The following ACSL5 variants were observed in gnomAD, a reference collection of about 807,000 sequenced individuals.
The protein encoded by ACSL5 is acyl-CoA synthetase long chain family member 5, also known as long-chain-fatty-acid--CoA ligase 5.
ACSL5 carries 50 observed loss-of-function variants against 84.9 expected under a neutral mutation model. The ratio of observed to expected loss-of-function variants is 0.59; its 90% CI spans 0.47 to 0.75. The LOEUF is 0.75. Ranked by LOEUF, ACSL5 falls within the 30% of genes least tolerant of loss-of-function variation. The probability of loss-of-function intolerance (pLI) is 0.00; values close to 1 mark genes in which losing one functional copy is unlikely to be tolerated. For missense variants in ACSL5, 775 were observed against 830.4 expected (o/e 0.93, Z 0.82); for synonymous variants, 280 against 300.7 (o/e 0.93, Z 0.71).
intron 16 of ACSL5, 114 bp from the exon 17 acceptor site, chr10:112,422,211 C>A: frequency 9.1e-7 from 1 of 1,094,186 alleles, no homozygotes; most frequent in Non-Finnish European, 1.4e-6. Flanking sequence ...TGGTGCTCTT[C>A]ACAGTGTAGT....
At chr10:112,400,784 C>A (rs1033495769) in intron 3 of ACSL5, among the ~76,000 whole-genome samples, 2 of 152,006 alleles carry the variant, frequency 1.3e-5, no homozygotes, top group Non-Finnish European at 2.9e-5. Flanking sequence ...AAACTGACTT[C>A]AAGAGATAAC....
At position 112,404,504 on chromosome 10, in the gene ACSL5, T is replaced by C. The variant is rs1843984419; in HGVS notation, c.266-7T>C. The stretch of plus-strand genomic sequence containing the variant: ...GAGTTGATTTTCTTTTAATATTATG[T>C]TTTTAGACAATGGGCCCTGCTTGGG... On this transcript the variant is annotated splice_region_variant and splice_polypyrimidine_tract_variant and intron_variant, in intron 3 of 20. Transcript: ENST00000354655. The C allele has an allele frequency of 6.2e-7, 1 of 1,610,688 alleles. No homozygotes were observed. The highest frequency in any genetic ancestry group is 1.7e-5 in the Admixed American group (1 of 59,886).
At chr10:112,426,468 T>C in intron 19 of ACSL5, 109 bp downstream of exon 19, 2 of 881,048 alleles carry the variant, frequency 2.3e-6, no homozygotes, top group Non-Finnish European at 3.6e-6. Context: ...CCAAACAGAC[T>C]GAATAGTTTT....
intron 3 of ACSL5, among the ~76,000 whole-genome samples, chr10:112,402,552 C>T (rs1446339683): frequency 2.6e-5 from 4 of 152,176 alleles, no homozygotes; most frequent in East Asian, 1.9e-4. Flanking sequence ...TAGTCTGAGA[C>T]GTTACTTCTA....
chr10:112,405,958 G>C (rs542096416), intron 5 of ACSL5, among the ~76,000 whole-genome samples: 1 of 152,214 alleles, frequency 6.6e-6, no homozygotes, highest in South Asian at 2.1e-4. Flanking sequence ...GAGGAGGAGG[G>C]AGAAGAGAGG....
chr10:112,409,963 G>A (rs1376294847), intron 7 of ACSL5, among the ~76,000 whole-genome samples: 5 of 152,142 alleles, frequency 3.3e-5, no homozygotes, highest in Non-Finnish European at 7.3e-5. Context: ...GGCTCCTGGA[G>A]CCAGGCTGCT....
At chr10:112,392,740 CAAA>C (rs566503761) in intron 1 of ACSL5, among the ~76,000 whole-genome samples, 4 of 117,058 alleles carry the variant, frequency 3.4e-5, no homozygotes, top group Admixed American at 8.4e-5. Flanking sequence ...GATTCTGTCT[CAAA>C]AAAAAAAAAA....
intron 1 of ACSL5, chr10:112,394,668 C>G (rs1013229991): frequency 2.6e-5 from 23 of 869,626 alleles, no homozygotes; most frequent in Non-Finnish European, 3.2e-5. Flanking sequence ...TTCCTTTGAT[C>G]CTCCCTGCTC....
chr10:112,416,973 T>C lies in ACSL5; in HGVS notation c.1169T>C (p.Ile390Thr). Residue 390 changes from isoleucine (I) to threonine (T), a missense_variant, in exon 13 of 21, where the codon ATC (isoleucine) becomes ACC (threonine). Coordinates refer to ENST00000354655, the MANE Select transcript of ACSL5 (RefSeq NM_203379.2). ...AAATTCAAAGAGCTTCAAAAGGGTA[T>C]CATCAGGCATGATAGTTTCTGGGAC... is the stretch of plus-strand genomic sequence containing the variant. ...SSKFKELQKG[I>T]IRHDSFWDKL... 1 of 1,614,052 alleles carries C rather than the reference T, an allele frequency of 6.2e-7. No homozygotes were observed. The highest frequency in any genetic ancestry group is 8.5e-7 in the Non-Finnish European group (1 of 1,179,990).
rs114378024 is a variant in ACSL5, at chr10:112,405,842, G to A, written c.432+1036G>A. On this transcript the variant is annotated intron_variant, in intron 5 of 20. Coordinates refer to ENST00000354655, the MANE Select transcript of ACSL5 (RefSeq NM_203379.2). ...TATAGTAAGCTAGAGAAACAAAAATGTCATTAAGAAAATGATAAGGAAGAG... is the reference window on the plus strand; with the variant it reads ...TATAGTAAGCTAGAGAAACAAAAATATCATTAAGAAAATGATAAGGAAGAG... 4.8e-3 allele frequency among the ~76,000 whole-genome samples: 737 copies of A among 152,240 alleles called. 9 individuals carry two copies. The highest frequency in any genetic ancestry group is 0.017 in the African/African-American group (717 of 41,544).
At chr10:112,394,486 G>A (rs1442049835) in intron 1 of ACSL5, among the ~76,000 whole-genome samples, 1 of 152,218 alleles carries the variant, frequency 6.6e-6, no homozygotes, top group Non-Finnish European at 1.5e-5. Context: ...TTATACGGGG[G>A]AATCCAACTG....
intron 3 of ACSL5, among the ~76,000 whole-genome samples, chr10:112,402,426 A>T (rs1843931280): frequency 1.3e-5 from 2 of 152,348 alleles, no homozygotes; most frequent in Admixed American, 6.5e-5. Context: ...AATAAATGGT[A>T]GCTATCATTA....
In ACSL5 at chr10:112,404,814, T is replaced by C. The variant is rs1480279215; in HGVS notation, c.432+8T>C. On this transcript the variant is annotated splice_region_variant and intron_variant, in intron 5 of 20. Transcript: ENST00000354655. ...GCTCAGAATAGGCCAGAGGTAACTA[T>C]GTTGAAGTTAACTAAAGGAAATGAG... 5.0e-6 allele frequency: 8 copies of C among 1,604,704 alleles called. No individual in the cohort carries two copies. In the Admixed American group the frequency reaches 6.7e-5, roughly 14 times the overall value.
At position 112,422,452 on chromosome 10, in the gene ACSL5, C is replaced by T. The variant is rs1410123755; in HGVS notation, c.1593+11C>T. On this transcript the variant is annotated intron_variant, in intron 17 of 20. Transcript: ENST00000354655. ...GGTCGCTGGCTCCCGGTAGGTATATCATCAGAACTCCTGGAAGTCTATGCT... is the reference window on the plus strand; with the variant it reads ...GGTCGCTGGCTCCCGGTAGGTATATTATCAGAACTCCTGGAAGTCTATGCT... The T allele has an allele frequency of 6.2e-7, 1 of 1,608,716 alleles. No individual in the cohort carries two copies. The highest frequency in any genetic ancestry group is 8.5e-7 in the Non-Finnish European group (1 of 1,175,700).
chr10:112,421,909 C>G, intron 15 of ACSL5, 38 bp from the exon 16 acceptor site: 8 of 1,582,860 alleles, frequency 5.1e-6, no homozygotes, highest in Non-Finnish European at 6.9e-6. Context: ...TATCACCATG[C>G]AAGAGTTTCT....
intron 1 of ACSL5, among the ~76,000 whole-genome samples, chr10:112,388,371 T>A (rs1310935018): frequency 1.3e-5 from 2 of 152,198 alleles, no homozygotes. Flanking sequence ...AATACACCCC[T>A]GTCACCAGCC....
intron 13 of ACSL5, 55 bp downstream of exon 13, chr10:112,417,077 C>T (rs1458709103): frequency 4.5e-6 from 7 of 1,572,430 alleles, no homozygotes; most frequent in African/African-American, 1.4e-5. Flanking sequence ...TGCCTTCTGA[C>T]TCCTTAGACC....
In ACSL5 at chr10:112,410,509, T is replaced by G; in HGVS notation, c.744+14T>G. 6.2e-7 allele frequency: 1 copy of G among 1,614,196 alleles called. No homozygotes were observed. The highest frequency in any genetic ancestry group is 8.5e-7 in the Non-Finnish European group (1 of 1,180,006). ...AGAAAACCTGTGGTAAGTTTTCTTC[T>G]GCCTGAATTTGAGCCTTGCCATAGT... On this transcript the variant is annotated intron_variant, in intron 8 of 20. Transcript: ENST00000354655.
intron 2 of ACSL5, among the ~76,000 whole-genome samples, chr10:112,398,638 C>T (rs1564735172): frequency 3.3e-5 from 5 of 151,960 alleles, no homozygotes. Flanking sequence ...CTCCTGACCT[C>T]AGGTGATCCA....
Sources: allele counts gnomAD v4.1 joint callset (sites outside exome capture counted in the v4.1 genomes callset), GRCh38; gene constraint gnomAD v4.1.1; transcripts MANE v1.5; gene names NCBI Gene and HGNC (gene_info 2026-07-23, HGNC 2026-07-21).